GREB1L: variants seen among roughly 807,000 people sequenced by gnomAD.
GREB1L encodes the protein GREB1-like protein.
In GREB1L, 17 loss-of-function variants were observed where a neutral mutation model predicts 200.8. That is an observed-to-expected ratio of 0.08 (90% CI 0.06 to 0.13). The LOEUF is 0.13. GREB1L is among the 10% of genes least tolerant of loss of function. The probability of loss-of-function intolerance (pLI) is 1.00; values close to 1 mark genes in which losing one functional copy is unlikely to be tolerated. For synonymous variants in GREB1L, 789 were observed against 893.0 expected (o/e 0.88, Z 2.08); for missense variants, 1,657 against 2,367.7 (o/e 0.70, Z 6.23).
rs1485184475 is a variant in GREB1L at position 21,508,447 on chromosome 18, C to G, written c.4591C>G (p.Leu1531Val). The change falls in exon 27 of 33, where the codon CTC (leucine) becomes GTC (valine). Residue 1531 changes from leucine to valine, a missense_variant. Leu to Val is a conservative substitution (Grantham distance 32). Around this residue, in one of 9 missense-constraint regions of GREB1L, gnomAD observed 151 missense variants for 309.6 expected, o/e 0.49. Transcript: ENST00000424526. ...TTCCAGTGGTCGACATGAGCACGGA[C>G]TCCTAAACCTTTTCCACGCCATGGA... Reference protein sequence around the residue: ...TPSSGRHEHGLLNLFHAMEGI... With the variant: ...TPSSGRHEHGVLNLFHAMEGI... 1.3e-6 allele frequency: 2 copies of G among 1,551,616 alleles called. No individual in the cohort carries two copies. The highest frequency in any genetic ancestry group is 3.9e-5 in the Admixed American group (2 of 50,996).
chr18:21,514,601 C>T (rs2037352455), intron 28 of GREB1L, among the ~76,000 whole-genome samples: 1 of 152,152 alleles, frequency 6.6e-6, no homozygotes, highest in African/African-American at 2.4e-5. Flanking sequence ...TGGTTTTAGC[C>T]CCAACTCTGT....
At chr18:21,379,267 C>CA (rs1196850202) in intron 2 of GREB1L, among the ~76,000 whole-genome samples, 2 of 152,156 alleles carry the variant, frequency 1.3e-5, no homozygotes, top group Non-Finnish European at 2.9e-5. Flanking sequence ...AGTGCAATGG[C>CA]ATGATCTTGG....
intron 1 of GREB1L, among the ~76,000 whole-genome samples, chr18:21,290,499 G>T (rs901434246): frequency 6.6e-6 from 1 of 152,098 alleles, no homozygotes; most frequent in Non-Finnish European, 1.5e-5. Context: ...TCATGATTTG[G>T]GTTTTTCCCC....
At chr18:21,432,079 C>T (rs1357837471) in intron 7 of GREB1L, among the ~76,000 whole-genome samples, 14 of 151,816 alleles carry the variant, frequency 9.2e-5, no homozygotes, top group African/African-American at 1.5e-4. Flanking sequence ...CCTGCCACCG[C>T]GTCCGGCTAA....
chr18:21,363,287 G>GCC (rs1224570798), intron 1 of GREB1L, among the ~76,000 whole-genome samples: 8 of 8,280 alleles, frequency 9.7e-4, no homozygotes, highest in East Asian at 3.2e-3. Context: ...CCTCCCCCCC[G>GCC]CCCCCCCCCC....
intron 1 of GREB1L, among the ~76,000 whole-genome samples, chr18:21,283,534 G>A (rs543279138): frequency 3.9e-5 from 6 of 152,298 alleles, no homozygotes; most frequent in Admixed American, 3.3e-4. Flanking sequence ...TACAAGCTGA[G>A]AGACTTTCTT....
At chr18:21,508,043 C>T in intron 25 of GREB1L, 75 bp from the exon 26 acceptor site, 1 of 1,386,274 alleles carries the variant, frequency 7.2e-7, no homozygotes, top group Non-Finnish European at 9.9e-7. Context: ...TTAATAACAA[C>T]CTGAAGGAGT....
rs867635884 is a variant in GREB1L at position 21,429,219 on chromosome 18, C to T, written c.833-10302C>T. Among the ~76,000 whole-genome samples, 899 of 91,414 alleles carry T rather than the reference C, an allele frequency of 9.8e-3. 34 individuals are homozygous for T. The highest frequency in any genetic ancestry group is 0.036 in the African/African-American group (818 of 22,450). The allele number at this position is 91,414 out of a possible 152,430, so 60.0% of individuals were successfully genotyped here. A position where few individuals can be genotyped will look rare whatever the true frequency, so the allele number is the denominator to read the frequency against. On this transcript the variant is annotated intron_variant, in intron 7 of 32. Coordinates refer to ENST00000424526, the MANE Select transcript of GREB1L (RefSeq NM_001142966.3). ...CTCCCCTCCCCTCCGCTCCCCTCCC[C>T]TCCCCTCCCTTCCTCTTCCCCTCCT...
At chr18:21,442,315 G>A (rs1331933750) in intron 10 of GREB1L, among the ~76,000 whole-genome samples, 5 of 152,204 alleles carry the variant, frequency 3.3e-5, no homozygotes, top group Middle Eastern at 3.2e-3. Context: ...TTTAGGGTGT[G>A]TTTACATGCA....
chr18:21,366,754 G>A (rs2039694364), intron 2 of GREB1L, among the ~76,000 whole-genome samples: 1 of 151,834 alleles, frequency 6.6e-6, no homozygotes, highest in South Asian at 2.1e-4. Flanking sequence ...GTTACAATGT[G>A]CTTAAATAGC....
intron 16 of GREB1L, 79 bp from the exon 17 acceptor site, chr18:21,477,085 C>A: frequency 3.5e-6 from 3 of 862,412 alleles, no homozygotes; most frequent in East Asian, 2.9e-5. Flanking sequence ...AAAACTAAAA[C>A]AGTATGTCCA....
chr18:21,442,661 T>G (rs972462550), intron 10 of GREB1L, among the ~76,000 whole-genome samples: 1 of 152,154 alleles, frequency 6.6e-6, no homozygotes, highest in Non-Finnish European at 1.5e-5. Context: ...AATTTGAGAC[T>G]GTTTACTGAC....
intron 16 of GREB1L, among the ~76,000 whole-genome samples, chr18:21,475,874 C>CA (rs1050016163): frequency 7.1e-6 from 1 of 140,526 alleles, no homozygotes; most frequent in African/African-American, 2.6e-5. Flanking sequence ...GAGGCTGAAG[C>CA]AGGAGAATCA....
chr18:21,444,349 A>G lies in GREB1L; in HGVS notation c.1333A>G (p.Ser445Gly). 1 of 1,552,336 alleles carries G rather than the reference A, an allele frequency of 6.4e-7. No individual in the cohort carries two copies. The highest frequency in any genetic ancestry group is 8.7e-7 in the Non-Finnish European group (1 of 1,147,102). ...TTTGGAAAAATTAGGGTTGACCGGCAGCCAATTTCTGAGCGTGGAAAACAT... is the reference window on the plus strand; with the variant it reads ...TTTGGAAAAATTAGGGTTGACCGGCGGCCAATTTCTGAGCGTGGAAAACAT... ...KDLEKLGLTG[S>G]QFLSVENMIL... Residue 445 changes from serine (S) to glycine (G), a missense_variant, in exon 11 of 33, where the codon AGC becomes GGC. By Grantham distance (56) the Ser-to-Gly change is moderately conservative (BLOSUM62 0). Around this residue, in one of 9 missense-constraint regions of GREB1L, gnomAD observed 289 missense variants for 345.1 expected, o/e 0.84. Transcript: ENST00000424526.
At chr18:21,452,907 G>A (rs1275688644) in intron 14 of GREB1L, among the ~76,000 whole-genome samples, 3 of 152,214 alleles carry the variant, frequency 2.0e-5, no homozygotes, top group Non-Finnish European at 4.4e-5. Context: ...TGATAGGAAT[G>A]TATCATTTAT....
rs922342655 is a variant in GREB1L at position 21,273,088 on chromosome 18, G to A, written c.-120+30695G>A. Reference sequence around the variant, plus strand: ...CTAAAAATACAAAAATTAACTCGATGTGGTTGCGGGTGCCTGTAATCCCAG... The same window carrying A: ...CTAAAAATACAAAAATTAACTCGATATGGTTGCGGGTGCCTGTAATCCCAG... On this transcript the variant is annotated intron_variant, in intron 1 of 32. Transcript: ENST00000424526. Among the ~76,000 whole-genome samples, 38 of 152,072 alleles carry A rather than the reference G, an allele frequency of 2.5e-4. 1 individual carries two copies. Among genetic ancestry groups the A allele is most frequent in the Admixed American group, 2.2e-3 (34 of 15,264 alleles).
At chr18:21,258,571 T>C (rs896180474) in intron 1 of GREB1L, among the ~76,000 whole-genome samples, 15 of 152,202 alleles carry the variant, frequency 9.9e-5, no homozygotes, top group African/African-American at 3.6e-4. Context: ...CAACATAAGC[T>C]TATTACGTTG....
intron 29 of GREB1L, among the ~76,000 whole-genome samples, chr18:21,515,959 T>C (rs1000344248): frequency 6.6e-6 from 1 of 152,014 alleles, no homozygotes; most frequent in African/African-American, 2.4e-5. Context: ...AGATTAAGCC[T>C]CCTTCACCCT....
intron 1 of GREB1L, among the ~76,000 whole-genome samples, chr18:21,269,102 C>T (rs1176423689): frequency 2.6e-5 from 4 of 152,200 alleles, no homozygotes; most frequent in Non-Finnish European, 5.9e-5. Context: ...ATTATTAATA[C>T]GTGTACTGTA....
Sources: gnomAD v4.1 joint callset for allele counts (sites outside exome capture counted in the v4.1 genomes callset) on GRCh38, gnomAD v4.1.1 for gene constraint, gnomAD v4.1.1 regional missense constraint, MANE v1.5 for transcripts, NCBI Gene and HGNC (gene_info 2026-07-23, HGNC 2026-07-21) for gene names.